The following PTPN13 variants were observed in gnomAD, a reference collection of about 807,000 sequenced individuals.
PTPN13 encodes tyrosine-protein phosphatase non-receptor type 13.
Under a neutral mutation model 284.0 loss-of-function variants are expected in PTPN13, and 191 were observed. The ratio of observed to expected loss-of-function variants is 0.67; its 90% CI spans 0.60 to 0.76. The LOEUF (loss-of-function observed/expected upper bound fraction) is 0.76, where lower values mean the gene tolerates loss of function less well. PTPN13 is among the 30% of genes least tolerant of loss of function. PTPN13 has a pLI of 0.00. For missense variants in PTPN13, 2,797 were observed against 2,939.9 expected (o/e 0.95, Z 1.12); for synonymous variants, 986 against 1,022.3 (o/e 0.96, Z 0.68).
intron 32 of PTPN13, among the ~76,000 whole-genome samples, chr4:86,773,589 A>G (rs192023978): frequency 2.6e-5 from 4 of 152,290 alleles, no homozygotes; most frequent in African/African-American, 9.6e-5. Flanking sequence ...TCCAAGTAAT[A>G]AATGTTTATT....
chr4:86,808,314 A>T (rs139928070), intron 45 of PTPN13, among the ~76,000 whole-genome samples: 2 of 152,360 alleles, frequency 1.3e-5, no homozygotes, highest in East Asian at 3.9e-4. Context: ...ATTTAGGAAT[A>T]CATGGATAAT....
intron 1 of PTPN13, among the ~76,000 whole-genome samples, chr4:86,626,839 G>C (rs1322551914): frequency 6.6e-6 from 1 of 152,014 alleles, no homozygotes; most frequent in South Asian, 2.1e-4. Flanking sequence ...CAACCCCTAC[G>C]TTACTCAAGG....
Position 86,670,097 on chromosome 4 carries a change from C to G in PTPN13, c.116-2268C>G, listed in dbSNP as rs1280102315. Among the ~76,000 whole-genome samples, 5 of 150,702 alleles carry G rather than the reference C, an allele frequency of 3.3e-5. No homozygotes were observed. The Admixed American group carries it at 3.3e-4, about 10-fold the overall frequency. On this transcript the variant is annotated intron_variant, in intron 2 of 47. Transcript: ENST00000411767. The stretch of plus-strand genomic sequence containing the variant: ...AAGAATCTGGAAAAAAATAAAAAAC[C>G]GAGAAGGCGCAGTCTTTGTGTTTGA...
At chr4:86,758,533 A>G (rs1436250456) in intron 21 of PTPN13, 145 bp from the exon 22 acceptor site, 4 of 925,360 alleles carry the variant, frequency 4.3e-6, no homozygotes, top group Non-Finnish European at 4.9e-6. Context: ...AATGCCTACA[A>G]GAAATACTTC....
intron 27 of PTPN13, 200 bp downstream of exon 27, chr4:86,766,717 G>A: frequency 2.4e-6 from 1 of 410,868 alleles, no homozygotes; most frequent in East Asian, 4.2e-5. Flanking sequence ...TGAGGAAGCT[G>A]ACTTTCTATG....
Position 86,775,337 on chromosome 4 carries a change from A to T in PTPN13, c.5675A>T (p.Glu1892Val), listed in dbSNP as rs1449742311. The T allele has an allele frequency of 6.2e-7, 1 of 1,611,472 alleles. No individual in the cohort carries two copies. Among genetic ancestry groups the T allele is most frequent in the Admixed American group, 1.7e-5 (1 of 59,646 alleles). The change falls in exon 34 of 48, where the codon GAG becomes GTG. Residue 1892 changes from glutamate to valine, a missense_variant. Transcript: ENST00000411767. ...ATAACACTAACGTGCAACAAAGAGGAGTTGGGTAATGAAAAGTCAAACTTT... is the reference window on the plus strand; with the variant it reads ...ATAACACTAACGTGCAACAAAGAGGTGTTGGGTAATGAAAAGTCAAACTTT... ...PDITLTCNKE[E>V]LGFSLCGGHD...
At chr4:86,809,566 T>C (rs1238151671) in intron 45 of PTPN13, among the ~76,000 whole-genome samples, 1 of 152,058 alleles carries the variant, frequency 6.6e-6, no homozygotes, top group East Asian at 1.9e-4. Flanking sequence ...GGTGTGGCAA[T>C]GTGCGCCTGT....
intron 44 of PTPN13, among the ~76,000 whole-genome samples, chr4:86,805,679 G>T: frequency 6.6e-6 from 1 of 152,110 alleles, no homozygotes; most frequent in South Asian, 2.1e-4. Flanking sequence ...TTAAAAATAG[G>T]AACTGGCTTC....
intron 17 of PTPN13, among the ~76,000 whole-genome samples, chr4:86,746,176 C>T (rs1378268915): frequency 6.6e-6 from 1 of 152,110 alleles, no homozygotes; most frequent in Non-Finnish European, 1.5e-5. Context: ...AGAAGAAACT[C>T]ATCTGACTCT....
rs753246757 is a variant in PTPN13 at position 86,671,754 on chromosome 4, T to C, written c.116-611T>C. On this transcript the variant is annotated intron_variant, in intron 2 of 47. Coordinates refer to ENST00000411767, the MANE Select transcript of PTPN13 (RefSeq NM_080683.3). ...AAAATCTAAATTCAAGCAAAATATA[T>C]ACTTCGACTCAAGACATTTCATTGT... Among the ~76,000 whole-genome samples the C allele has an allele frequency of 3.9e-5, 6 of 152,318 alleles. No homozygotes were observed. The East Asian group carries it at 5.8e-4, about 15-fold the overall frequency.
chr4:86,645,198 A>G (rs1355193255), intron 2 of PTPN13, among the ~76,000 whole-genome samples: 2 of 152,138 alleles, frequency 1.3e-5, no homozygotes, highest in African/African-American at 4.8e-5. Context: ...TCCAAAAACA[A>G]ACAAACAAAC....
At chr4:86,700,637 A>G (rs749170843) in intron 6 of PTPN13, among the ~76,000 whole-genome samples, 18 of 152,308 alleles carry the variant, frequency 1.2e-4, no homozygotes, top group Admixed American at 2.6e-4. Context: ...TTCTTTCATA[A>G]CTTAAACACA....
chr4:86,616,695 A>G (rs1720585827), intron 1 of PTPN13, among the ~76,000 whole-genome samples: 1 of 152,060 alleles, frequency 6.6e-6, no homozygotes, highest in African/African-American at 2.4e-5. Context: ...TCCTGCTTTC[A>G]CCATGTGATG....
intron 40 of PTPN13, among the ~76,000 whole-genome samples, chr4:86,790,823 T>A (rs1036063808): frequency 1.3e-5 from 2 of 152,192 alleles, no homozygotes; most frequent in Non-Finnish European, 2.9e-5. Flanking sequence ...TGATAAAGAT[T>A]CAATTGTATA....
intron 7 of PTPN13, among the ~76,000 whole-genome samples, chr4:86,705,193 G>T (rs558955202): frequency 1.3e-5 from 2 of 152,108 alleles, no homozygotes; most frequent in South Asian, 4.2e-4. Context: ...AATTAGCCTG[G>T]TGTGGTGGTA....
chr4:86,655,621 T>C (rs1029645969), intron 2 of PTPN13, among the ~76,000 whole-genome samples: 4 of 152,352 alleles, frequency 2.6e-5, no homozygotes, highest in Non-Finnish European at 4.4e-5. Flanking sequence ...GCTGTTAGTC[T>C]GATGGGCTTC....
At chr4:86,710,147 C>G (rs1194528856) in intron 7 of PTPN13, among the ~76,000 whole-genome samples, 4 of 152,016 alleles carry the variant, frequency 2.6e-5, no homozygotes, top group African/African-American at 9.7e-5. Flanking sequence ...AATATTATTA[C>G]TGTGTTTCTC....
chr4:86,744,614 C>G (rs1736523802), intron 16 of PTPN13, among the ~76,000 whole-genome samples: 1 of 152,086 alleles, frequency 6.6e-6, no homozygotes, highest in African/African-American at 2.4e-5. Flanking sequence ...GTATCTTTAC[C>G]ACACCTTTTC....
chr4:86,663,482 G>A (rs1726744392), intron 2 of PTPN13, among the ~76,000 whole-genome samples: 1 of 152,150 alleles, frequency 6.6e-6, no homozygotes, highest in Non-Finnish European at 1.5e-5. Context: ...CTTTCCTCCA[G>A]CTATACAAAG....
Sources: gnomAD v4.1 joint callset for allele counts (sites outside exome capture counted in the v4.1 genomes callset) on GRCh38, gnomAD v4.1.1 for gene constraint, MANE v1.5 for transcripts, NCBI Gene and HGNC (gene_info 2026-07-23, HGNC 2026-07-21) for gene names.